Variants in ROBO1 observed in about 807,000 individuals in gnomAD.
The protein encoded by ROBO1 is roundabout guidance receptor 1, also known as roundabout homolog 1.
ROBO1 carries 149 observed loss-of-function variants against 195.9 expected under a neutral mutation model. The ratio of observed to expected loss-of-function variants is 0.76; its 90% CI spans 0.67 to 0.87. The LOEUF is 0.87. Among genes scored for constraint, ROBO1 ranks in the 40% least tolerant of loss-of-function variants. The pLI is 0.00. For missense variants in ROBO1, 1,933 were observed against 2,068.3 expected (o/e 0.93, Z 1.27); for synonymous variants, 816 against 733.2 (o/e 1.11, Z -1.82).
intron 1 of ROBO1, among the ~76,000 whole-genome samples, chr3:79,602,056 A>G (rs1000424703): frequency 6.6e-6 from 1 of 151,940 alleles, no homozygotes; most frequent in Non-Finnish European, 1.5e-5. Context: ...AAATTTTTAG[A>G]TTGCTTAAGA....
intron 2 of ROBO1, among the ~76,000 whole-genome samples, chr3:79,431,250 C>A (rs2038664364): frequency 6.6e-6 from 1 of 152,000 alleles, no homozygotes; most frequent in African/African-American, 2.4e-5. Context: ...ATGCTGTTTC[C>A]CAAAATGGAA....
chr3:79,350,081 A>G (rs558651111), intron 2 of ROBO1, among the ~76,000 whole-genome samples: 1 of 152,326 alleles, frequency 6.6e-6, no homozygotes, highest in Non-Finnish European at 1.5e-5. Flanking sequence ...AAATAACAAA[A>G]CAGCATAATA....
At position 79,430,246 on chromosome 3, in the gene ROBO1, C is replaced by T. The variant is rs567111781; in HGVS notation, c.88+159578G>A. Among the ~76,000 whole-genome samples, 331 of 152,094 alleles carry T rather than the reference C, an allele frequency of 2.2e-3. 1 individual carries two copies. The highest frequency in any genetic ancestry group is 7.5e-3 in the African/African-American group (312 of 41,546). ...GTAAGTGTAAGCAATATTTATAATTCGTAAATTTTCAGAAATTAAGTTCAA... is the reference window on the plus strand; with the variant it reads ...GTAAGTGTAAGCAATATTTATAATTTGTAAATTTTCAGAAATTAAGTTCAA... On this transcript the variant is annotated intron_variant, in intron 2 of 30. Coordinates refer to ENST00000464233, the MANE Select transcript of ROBO1 (RefSeq NM_002941.4).
At chr3:79,207,511 C>T (rs2081891631) in intron 2 of ROBO1, among the ~76,000 whole-genome samples, 1 of 152,022 alleles carries the variant, frequency 6.6e-6, no homozygotes, top group Non-Finnish European at 1.5e-5. Context: ...ATTCTTTCTT[C>T]CAAAAAGTTG....
At chr3:79,106,223 A>T (rs543747676) in intron 3 of ROBO1, among the ~76,000 whole-genome samples, 1 of 151,874 alleles carries the variant, frequency 6.6e-6, no homozygotes, top group Admixed American at 6.6e-5. Flanking sequence ...TTTGCTAGTT[A>T]AGAGGTTTCT....
At position 79,202,231 on chromosome 3, in the gene ROBO1, T is replaced by G. The variant is rs544036199; in HGVS notation, c.89-76692A>C. ...TCTCATTCACTTTTGATACCTTTAG[T>G]TTTTGAACACTGGTTAAAATACAGT... is the stretch of plus-strand genomic sequence containing the variant. On this transcript the variant is annotated intron_variant, in intron 2 of 30. Transcript: ENST00000464233. 2.1e-3 allele frequency among the ~76,000 whole-genome samples: 319 copies of G among 152,168 alleles called. 1 individual carries two copies. The highest frequency in any genetic ancestry group is 7.0e-3 in the African/African-American group (292 of 41,536).
chr3:78,942,137 T>TA (rs1032948356), intron 3 of ROBO1, among the ~76,000 whole-genome samples: 2 of 151,976 alleles, frequency 1.3e-5, no homozygotes, highest in Admixed American at 6.6e-5. Flanking sequence ...CATGTCTCTA[T>TA]AAAAAATTCA....
chr3:79,153,507 T>G (rs1472177991), intron 2 of ROBO1, among the ~76,000 whole-genome samples: 1 of 151,604 alleles, frequency 6.6e-6, no homozygotes. Context: ...GTTCAAACTG[T>G]GTTCTCTGAA....
intron 4 of ROBO1, among the ~76,000 whole-genome samples, chr3:78,780,912 A>C (rs1487712462): frequency 6.6e-6 from 1 of 152,016 alleles, no homozygotes; most frequent in Non-Finnish European, 1.5e-5. Context: ...ATTGTTCCTG[A>C]CTTAATGATA....
chr3:79,043,929 G>T (rs2078537539), intron 3 of ROBO1, among the ~76,000 whole-genome samples: 1 of 152,048 alleles, frequency 6.6e-6, no homozygotes, highest in Non-Finnish European at 1.5e-5. Context: ...AATTCTGCAC[G>T]ATAATTCACC....
chr3:78,685,944 A>G, intron 9 of ROBO1, 27 bp from the exon 10 acceptor site: 1 of 1,510,690 alleles, frequency 6.6e-7, no homozygotes, highest in South Asian at 1.3e-5. Flanking sequence ...GGGATGGAGG[A>G]AAATAAAAAT....
chr3:79,213,983 G>A (rs1236790806), intron 2 of ROBO1, among the ~76,000 whole-genome samples: 3 of 151,566 alleles, frequency 2.0e-5, no homozygotes, highest in South Asian at 2.1e-4. Context: ...GCACCACCAC[G>A]CCCTGCTAAG....
At chr3:78,691,138 C>G (rs1559751235) in intron 8 of ROBO1, among the ~76,000 whole-genome samples, 2 of 152,030 alleles carry the variant, frequency 1.3e-5, no homozygotes, top group Non-Finnish European at 2.9e-5. Flanking sequence ...GTAGATATAT[C>G]TCTAAGAAAA....
intron 3 of ROBO1, among the ~76,000 whole-genome samples, chr3:79,109,310 G>C (rs1302361852): frequency 6.6e-6 from 1 of 151,836 alleles, no homozygotes; most frequent in Admixed American, 6.6e-5. Flanking sequence ...TAATAGAACT[G>C]TAATAATTCT....
chr3:79,336,415 G>A (rs577697662), intron 2 of ROBO1, among the ~76,000 whole-genome samples: 12 of 152,326 alleles, frequency 7.9e-5, no homozygotes, highest in Admixed American at 1.3e-4. Context: ...GCTGAAAGGC[G>A]CCAACGTACT....
intron 2 of ROBO1, among the ~76,000 whole-genome samples, chr3:79,228,608 C>A (rs549433487): frequency 6.6e-6 from 1 of 152,164 alleles, no homozygotes; most frequent in South Asian, 2.1e-4. Context: ...TAAATGGTTA[C>A]AAATATTTCT....
chr3:78,903,939 G>T (rs1348079349), intron 4 of ROBO1, among the ~76,000 whole-genome samples: 1 of 151,754 alleles, frequency 6.6e-6, no homozygotes, highest in Non-Finnish European at 1.5e-5. Context: ...TCATTTGAGG[G>T]TATTCTCCTG....
At chr3:78,808,785 G>C (rs2084631709) in intron 4 of ROBO1, among the ~76,000 whole-genome samples, 1 of 152,088 alleles carries the variant, frequency 6.6e-6, no homozygotes, top group African/African-American at 2.4e-5. Context: ...GGGAAAACTG[G>C]CAAGCCATAT....
chr3:79,506,602 G>A (rs528349392), intron 2 of ROBO1, among the ~76,000 whole-genome samples: 3 of 151,998 alleles, frequency 2.0e-5, no homozygotes, highest in Non-Finnish European at 4.4e-5. Context: ...GCACCACCAC[G>A]CCCAGCTAAT....
Sources: gnomAD v4.1 joint callset for allele counts (sites outside exome capture counted in the v4.1 genomes callset) on GRCh38, gnomAD v4.1.1 for gene constraint, MANE v1.5 for transcripts, NCBI Gene and HGNC (gene_info 2026-07-23, HGNC 2026-07-21) for gene names.